The following SPHKAP variants were observed in gnomAD, a reference collection of about 807,000 sequenced individuals.
SPHKAP encodes A-kinase anchor protein SPHKAP.
In SPHKAP, 67 loss-of-function variants were observed where a neutral mutation model predicts 137.5. That is an observed-to-expected ratio of 0.49 (90% CI 0.40 to 0.60). SPHKAP has a LOEUF of 0.60. Ranked by LOEUF, SPHKAP falls within the 20% of genes least tolerant of loss-of-function variation. The pLI is 0.00. For missense variants in SPHKAP, 2,097 were observed against 2,069.3 expected, an observed-to-expected ratio of 1.01 and a Z score of -0.26; for synonymous variants, 813 against 785.3, an observed-to-expected ratio of 1.04 and a Z score of -0.59.
intron 3 of SPHKAP, among the ~76,000 whole-genome samples, chr2:228,043,300 TAA>T (rs1284880400): frequency 6.6e-6 from 1 of 152,156 alleles, no homozygotes; most frequent in Admixed American, 6.5e-5. Flanking sequence ...TTTAAACATT[TAA>T]AAGAGTTAGT....
intron 11 of SPHKAP, among the ~76,000 whole-genome samples, chr2:227,986,233 T>A (rs961396638): frequency 6.6e-6 from 1 of 152,184 alleles, no homozygotes; most frequent in African/African-American, 2.4e-5. Context: ...TTAACTGTAG[T>A]TTTTTTGTCT....
chr2:228,022,239 CT>C, intron 5 of SPHKAP: 3 of 973,232 alleles, frequency 3.1e-6, no homozygotes, highest in Non-Finnish European at 3.7e-6. Flanking sequence ...AAAAATTCAA[CT>C]GGGTAAAGTT....
chr2:228,152,827 T>C (rs1172757981), intron 1 of SPHKAP, among the ~76,000 whole-genome samples: 1 of 152,096 alleles, frequency 6.6e-6, no homozygotes, highest in Non-Finnish European at 1.5e-5. Context: ...ACAAGGATCT[T>C]AGAACATTTT....
chr2:228,148,334 C>T (rs906567044), intron 1 of SPHKAP, among the ~76,000 whole-genome samples: 1 of 152,196 alleles, frequency 6.6e-6, no homozygotes, highest in Non-Finnish European at 1.5e-5. Context: ...AAGAGGAATG[C>T]TCTGCCTAAC....
intron 1 of SPHKAP, among the ~76,000 whole-genome samples, chr2:228,142,365 G>A (rs1431577736): frequency 6.6e-6 from 1 of 151,978 alleles, no homozygotes; most frequent in African/African-American, 2.4e-5. Context: ...GTTACTGGAC[G>A]GGAGGCTAAG....
At chr2:228,167,292 A>C (rs1160893065) in intron 1 of SPHKAP, among the ~76,000 whole-genome samples, 1 of 152,158 alleles carries the variant, frequency 6.6e-6, no homozygotes, top group Non-Finnish European at 1.5e-5. Context: ...TCATGAAGTC[A>C]CCACATTTTT....
Position 228,018,290 on chromosome 2 carries a change from G to C in SPHKAP, c.2564C>G (p.Ala855Gly), listed in dbSNP as rs374779308. The change falls in exon 7 of 12, where the codon GCC becomes GGC. Residue 855 changes from alanine to glycine, a missense_variant. By Grantham distance (60) the Ala-to-Gly change is moderately conservative. Coordinates refer to ENST00000392056, the MANE Select transcript of SPHKAP (RefSeq NM_001142644.2). The part of the protein sequence containing the change: ...SPHHSENECR[A>G]SSEGQRSPTV... ...TGGGGACCTTTGTCCTTCGGAAGAG[G>C]CTCTGCATTCATTCTCACTGTGATG... The C allele has an allele frequency of 4.3e-6, 7 of 1,614,056 alleles. No individual in the cohort carries two copies. The highest frequency in any genetic ancestry group is 1.6e-4 in the Middle Eastern group (1 of 6,084).
rs990175819 is a variant in SPHKAP, at chr2:228,109,361, T to C, written c.139-422A>G. 20 of 984,524 alleles carry C rather than the reference T, an allele frequency of 2.0e-5. No homozygotes were observed. In the Admixed American group the frequency reaches 1.0e-3, roughly 51 times the overall value. 61.0% of individuals were successfully genotyped at this position (984,524 alleles called of 1,614,324 possible). ...TTTTTCATTGATGGAATATTGATTC[T>C]TCACTTCTTTGGTTCTGCTAACTTA... On this transcript the variant is annotated intron_variant, in intron 2 of 11. Coordinates refer to ENST00000392056, the MANE Select transcript of SPHKAP (RefSeq NM_001142644.2).
chr2:228,108,229 A>G (rs1429146672), intron 3 of SPHKAP, among the ~76,000 whole-genome samples: 1 of 152,222 alleles, frequency 6.6e-6, no homozygotes, highest in Non-Finnish European at 1.5e-5. Context: ...TTTCTCTAAC[A>G]TATAGGAAGG....
intron 3 of SPHKAP, among the ~76,000 whole-genome samples, chr2:228,037,081 C>A (rs778842983): frequency 9.9e-5 from 15 of 151,898 alleles, no homozygotes; most frequent in Middle Eastern, 3.2e-3. Context: ...TTGTCAAAAT[C>A]AGTGGGAAAC....
At chr2:228,046,154 G>A (rs1696042121) in intron 3 of SPHKAP, among the ~76,000 whole-genome samples, 1 of 152,034 alleles carries the variant, frequency 6.6e-6, no homozygotes, top group African/African-American at 2.4e-5. Flanking sequence ...AGTACACAAT[G>A]TATACATAGG....
chr2:228,082,157 C>T (rs1266105622), intron 3 of SPHKAP, among the ~76,000 whole-genome samples: 1 of 152,188 alleles, frequency 6.6e-6, no homozygotes, highest in Non-Finnish European at 1.5e-5. Flanking sequence ...ATTTTGCCAG[C>T]TGCTTTTCTA....
intron 7 of SPHKAP, among the ~76,000 whole-genome samples, chr2:228,004,334 C>T (rs1694040011): frequency 6.6e-6 from 1 of 152,128 alleles, no homozygotes; most frequent in African/African-American, 2.4e-5. Flanking sequence ...TCTAGATTTT[C>T]TAGTTTATTT....
chr2:228,097,897 G>T (rs751720940), intron 3 of SPHKAP, among the ~76,000 whole-genome samples: 1 of 152,146 alleles, frequency 6.6e-6, no homozygotes, highest in Non-Finnish European at 1.5e-5. Flanking sequence ...TGGGAATCTG[G>T]GTTAATTCCA....
rs1692987048 is a variant in SPHKAP at position 227,981,372 on chromosome 2, A to G, written c.*345T>C. 6.0e-6 allele frequency: 1 copy of G among 166,934 alleles called. No individual in the cohort carries two copies. Among genetic ancestry groups the G allele is most frequent in the South Asian group, 2.0e-4 (1 of 5,066 alleles). 10.3% of individuals were successfully genotyped at this position (166,934 alleles called of 1,614,324 possible). A position where few individuals can be genotyped will look rare whatever the true frequency, so the allele number is the denominator to read the frequency against. On this transcript the variant is annotated 3_prime_UTR_variant, in exon 12 of 12. Transcript: ENST00000392056. ...CTAGTTGATTCATCTAATTAGAGACATTACAAATCATTTTATATGATTAAA... is the reference window on the plus strand; with the variant it reads ...CTAGTTGATTCATCTAATTAGAGACGTTACAAATCATTTTATATGATTAAA...
rs1559169021 is a variant in SPHKAP, at chr2:228,092,323, G to GTGTATGTGTGTGTATACA, written c.246+16508_246+16509insTGTATACACACACATACA. On this transcript the variant is annotated intron_variant, in intron 3 of 11. Coordinates refer to ENST00000392056, the MANE Select transcript of SPHKAP (RefSeq NM_001142644.2). ...CACACACGTGTATGTGTGTGTATAC[G>GTGTATGTGTGTGTATACA]TACACACACACGTGTATGTGTGTGT... Among the ~76,000 whole-genome samples, 18 of 102,234 alleles carry GTGTATGTGTGTGTATACA rather than the reference G, an allele frequency of 1.8e-4. 1 individual carries two copies. Among genetic ancestry groups the GTGTATGTGTGTGTATACA allele is most frequent in the Admixed American group, 3.2e-4 (3 of 9,258 alleles). The allele number at this position is 102,234 out of a possible 152,430, so 67.1% of individuals were successfully genotyped here.
At chr2:228,161,704 G>A (rs10211613) in intron 1 of SPHKAP, among the ~76,000 whole-genome samples, 319 of 29,794 alleles carry the variant, frequency 0.011, 1 homozygote, top group Non-Finnish European at 0.015. Context: ...ACTAAAAATA[G>A]AACAAAATAA....
chr2:228,157,555 G>A (rs1274165276), intron 1 of SPHKAP, among the ~76,000 whole-genome samples: 2 of 152,164 alleles, frequency 1.3e-5, no homozygotes, highest in Non-Finnish European at 2.9e-5. Context: ...ATTAGCAATA[G>A]TACACCTGTT....
Position 228,181,475 on chromosome 2 carries a change from C to T in SPHKAP, c.32+92G>A, listed in dbSNP as rs1297587495. On this transcript the variant is annotated intron_variant, in intron 1 of 11. Coordinates refer to ENST00000392056, the MANE Select transcript of SPHKAP (RefSeq NM_001142644.2). The surrounding 1 kb of genome is among the most constrained non-coding windows in gnomAD (Gnocchi z 4.3). ...TCCTCGCTGGGAGCCCCGTGCAAAC[C>T]GAAGCGCTCTGGGGCAAGTTGGTGA... 1.9e-6 allele frequency: 3 copies of T among 1,584,286 alleles called. No homozygotes were observed. The highest frequency in any genetic ancestry group is 1.7e-5 in the Admixed American group (1 of 59,902).
Sources: gnomAD v4.1 joint callset for allele counts (sites outside exome capture counted in the v4.1 genomes callset) on GRCh38, gnomAD v4.1.1 for gene constraint, Gnocchi (gnomAD v3.1) non-coding constraint, MANE v1.5 for transcripts, NCBI Gene and HGNC (gene_info 2026-07-23, HGNC 2026-07-21) for gene names.